TTC39B: variants seen among roughly 807,000 people sequenced by gnomAD.
TTC39B encodes the protein tetratricopeptide repeat domain 39B.
TTC39B carries 92 observed loss-of-function variants against 96.6 expected under a neutral mutation model. The observed-to-expected ratio is 0.95, with a 90% CI of 0.80 to 1.13. The LOEUF (loss-of-function observed/expected upper bound fraction) is 1.13, where lower values mean the gene tolerates loss of function less well. Among genes scored for constraint, TTC39B ranks in the 50% most tolerant of loss-of-function variants. The pLI is 0.00. For synonymous variants in TTC39B, 367 were observed against 299.4 expected (o/e 1.23, Z -2.33); for missense variants, 955 against 809.3 (o/e 1.18, Z -2.18).
exon 20 of TTC39B, chr9:15,171,843 T>C (rs942029566): frequency 2.4e-5 from 10 of 424,744 alleles, no homozygotes; most frequent in East Asian, 1.9e-4. Flanking sequence ...TGCCATTCCA[T>C]AGGAAAAAAA....
intron 8 of TTC39B, among the ~76,000 whole-genome samples, chr9:15,198,461 A>AAT (rs61517681): frequency 0.23 from 26,981 of 116,822 alleles, 2,855 homozygotes; most frequent in East Asian, 0.56. Flanking sequence ...CGGTCGCAAA[A>AAT]ATATATATAT....
chr9:15,233,932 A>T (rs1375433676), intron 2 of TTC39B, among the ~76,000 whole-genome samples: 5 of 149,574 alleles, frequency 3.3e-5, no homozygotes, highest in African/African-American at 9.9e-5. Flanking sequence ...CCCCGCCGCC[A>T]TCCCATCTAG....
chr9:15,218,034 C>A (rs1326942438), intron 3 of TTC39B, among the ~76,000 whole-genome samples: 1 of 151,974 alleles, frequency 6.6e-6, no homozygotes, highest in Non-Finnish European at 1.5e-5. Context: ...ATGGTGAAAC[C>A]CCGTCTCTAC....
At chr9:15,190,210 A>G (rs1012037597) in intron 11 of TTC39B, among the ~76,000 whole-genome samples, 1 of 152,230 alleles carries the variant, frequency 6.6e-6, no homozygotes, top group African/African-American at 2.4e-5. Context: ...AAATGTCACT[A>G]TGACAAAGGA....
intron 1 of TTC39B, among the ~76,000 whole-genome samples, chr9:15,300,182 G>A (rs1381494828): frequency 6.6e-6 from 1 of 152,116 alleles, no homozygotes; most frequent in Admixed American, 6.5e-5. Context: ...AATTCAGTGA[G>A]GCATAGGGGT....
chr9:15,222,956 T>G (rs1479637117), intron 3 of TTC39B, among the ~76,000 whole-genome samples: 1 of 152,214 alleles, frequency 6.6e-6, no homozygotes, highest in African/African-American at 2.4e-5. Context: ...GAAAGTAAAG[T>G]GATGACAAAG....
chr9:15,167,818 TAAC>T (rs1439706578), exon 20 of TTC39B: 1 of 152,178 alleles, frequency 6.6e-6, no homozygotes, highest in Non-Finnish European at 1.5e-5. Flanking sequence ...TCTATAACTC[TAAC>T]AACTGTACTT....
intron 1 of TTC39B, among the ~76,000 whole-genome samples, chr9:15,269,385 A>AATGG (rs1823251176): frequency 6.6e-6 from 1 of 152,236 alleles, no homozygotes; most frequent in Non-Finnish European, 1.5e-5. Context: ...TGAATGAATG[A>AATGG]ATGGAACCTG....
chr9:15,187,291 A>G (rs1185985990), intron 14 of TTC39B, among the ~76,000 whole-genome samples: 1 of 152,236 alleles, frequency 6.6e-6, no homozygotes, highest in Non-Finnish European at 1.5e-5. Context: ...AGAAAAAATT[A>G]TCTCATTGCC....
chr9:15,218,752 A>C (rs1328115441), intron 3 of TTC39B, among the ~76,000 whole-genome samples: 2 of 152,044 alleles, frequency 1.3e-5, no homozygotes, highest in Non-Finnish European at 2.9e-5. Flanking sequence ...TACAAAAAAA[A>C]CTTCATAGTA....
intron 2 of TTC39B, among the ~76,000 whole-genome samples, chr9:15,243,170 G>A (rs1822121844): frequency 6.6e-6 from 1 of 152,166 alleles, no homozygotes; most frequent in Non-Finnish European, 1.5e-5. Context: ...AGGAGAGAGA[G>A]GGAAAACCTT....
intron 2 of TTC39B, among the ~76,000 whole-genome samples, chr9:15,262,599 A>T (rs954973298): frequency 4.6e-5 from 7 of 152,100 alleles, no homozygotes; most frequent in African/African-American, 1.7e-4. Context: ...AAAATAGTTA[A>T]AATAACACAA....
intron 1 of TTC39B, among the ~76,000 whole-genome samples, chr9:15,283,229 CAG>C (rs957329199): frequency 2.6e-5 from 4 of 152,150 alleles, no homozygotes; most frequent in Admixed American, 2.0e-4. Flanking sequence ...TCACTAAAGA[CAG>C]AAATTTTATT....
chr9:15,225,287 G>C (rs1166725795), intron 3 of TTC39B, among the ~76,000 whole-genome samples: 4 of 152,030 alleles, frequency 2.6e-5, no homozygotes, highest in Non-Finnish European at 5.9e-5. Flanking sequence ...CTCTATATTT[G>C]AGGAGAAAAA....
intron 1 of TTC39B, among the ~76,000 whole-genome samples, chr9:15,287,819 G>C (rs185081781): frequency 0.013 from 1,917 of 152,058 alleles, 17 homozygotes; most frequent in Middle Eastern, 0.02. Flanking sequence ...GGTGGCATGG[G>C]CCTGTAGTCC....
intron 2 of TTC39B, among the ~76,000 whole-genome samples, chr9:15,232,715 A>G (rs1318091777): frequency 1.3e-5 from 2 of 152,258 alleles, no homozygotes; most frequent in Non-Finnish European, 2.9e-5. Flanking sequence ...CGCAGGCAGC[A>G]GCCGTTGCTG....
In TTC39B at chr9:15,295,608, G is replaced by C. The variant is rs368334952; in HGVS notation, c.240+11476C>G. On this transcript the variant is annotated intron_variant, in intron 1 of 19. Coordinates refer to ENST00000512701, the Ensembl canonical transcript of TTC39B. ...CTGCAGATTCTTCATTAAATCCATA[G>C]ATAATGAACCAGTAGCAGCAAGACT... 5.9e-5 allele frequency among the ~76,000 whole-genome samples: 9 copies of C among 152,308 alleles called. No homozygotes were observed. In the South Asian group the frequency reaches 6.2e-4, roughly 11 times the overall value.
intron 19 of TTC39B, among the ~76,000 whole-genome samples, chr9:15,172,537 C>T (rs1817717928): frequency 1.3e-5 from 2 of 152,170 alleles, no homozygotes; most frequent in Middle Eastern, 3.4e-3. Context: ...GAAACAACTG[C>T]AACAAAGGCA....
At chr9:15,224,022 C>T (rs1304315985) in intron 3 of TTC39B, among the ~76,000 whole-genome samples, 1 of 152,152 alleles carries the variant, frequency 6.6e-6, no homozygotes, top group Non-Finnish European at 1.5e-5. Context: ...ACACAAATCT[C>T]ATTCATTTCT....
Sources: gnomAD v4.1 joint callset for allele counts (sites outside exome capture counted in the v4.1 genomes callset) on GRCh38, gnomAD v4.1.1 for gene constraint, MANE v1.5 for transcripts, NCBI Gene and HGNC (gene_info 2026-07-23, HGNC 2026-07-21) for gene names.